Variants in CDHR3 observed in about 807,000 individuals in gnomAD.
CDHR3 encodes the protein cadherin related family member 3.
In CDHR3, 79 loss-of-function variants were observed where a neutral mutation model predicts 86.6. The observed-to-expected ratio is 0.91, with a 90% CI of 0.76 to 1.10. CDHR3 has a LOEUF of 1.10. Ranked by LOEUF, CDHR3 falls within the 50% of genes least tolerant of loss-of-function variation. CDHR3 has a pLI of 0.00. For missense variants in CDHR3, 1,081 were observed against 1,077.6 expected (o/e 1.00, Z -0.04); for synonymous variants, 421 against 402.4 (o/e 1.05, Z -0.55).
chr7:105,996,558 C>T (rs986230735), intron 6 of CDHR3, among the ~76,000 whole-genome samples: 28 of 152,252 alleles, frequency 1.8e-4, no homozygotes, highest in African/African-American at 6.7e-4. Context: ...GCCTCCTGTA[C>T]CCACACATTC....
intron 4 of CDHR3, among the ~76,000 whole-genome samples, chr7:105,987,881 G>T (rs935039035): frequency 5.3e-5 from 8 of 152,156 alleles, no homozygotes; most frequent in African/African-American, 1.7e-4. Flanking sequence ...GGACGAAAAG[G>T]CTGGGAACAC....
At chr7:105,995,611 G>C (rs891501776) in intron 5 of CDHR3, among the ~76,000 whole-genome samples, 4 of 152,314 alleles carry the variant, frequency 2.6e-5, no homozygotes, top group African/African-American at 9.6e-5. Flanking sequence ...AAGACTGGTA[G>C]TAAAGGATTA....
At chr7:105,970,101 G>A (rs1377302435) in intron 1 of CDHR3, among the ~76,000 whole-genome samples, 1 of 152,124 alleles carries the variant, frequency 6.6e-6, no homozygotes, top group Non-Finnish European at 1.5e-5. Context: ...GGTAGCTATT[G>A]AGTGATGGTC....
intron 8 of CDHR3, among the ~76,000 whole-genome samples, chr7:106,011,493 C>A (rs1430581956): frequency 2.0e-5 from 3 of 152,226 alleles, no homozygotes; most frequent in East Asian, 3.9e-4. Context: ...GTGAGTGAGG[C>A]CATCCTAGAC....
At chr7:106,015,319 A>G (rs1033225766) in intron 10 of CDHR3, 106 bp downstream of exon 10, 3 of 946,770 alleles carry the variant, frequency 3.2e-6, no homozygotes, top group Non-Finnish European at 3.2e-6. Flanking sequence ...TCTCACTAGT[A>G]CTGCCCTCAT....
At chr7:106,011,007 A>G (rs1179807452) in intron 8 of CDHR3, among the ~76,000 whole-genome samples, 1 of 152,202 alleles carries the variant, frequency 6.6e-6, no homozygotes, top group African/African-American at 2.4e-5. Context: ...TGGCCTCACC[A>G]CAAACACAGT....
At chr7:106,010,515 T>C (rs746789904) in intron 8 of CDHR3, among the ~76,000 whole-genome samples, 11 of 152,218 alleles carry the variant, frequency 7.2e-5, no homozygotes, top group Non-Finnish European at 1.5e-4. Flanking sequence ...AGGTGATCTT[T>C]GCCAATGAGG....
intron 18 of CDHR3, among the ~76,000 whole-genome samples, chr7:106,031,208 C>T (rs868692041): frequency 6.6e-5 from 10 of 152,188 alleles, no homozygotes; most frequent in African/African-American, 2.2e-4. Flanking sequence ...TTGCCCCCCC[C>T]AGCCCATCCA....
intron 1 of CDHR3, 72 bp from the exon 2 acceptor site, chr7:105,974,772 C>A: frequency 1.6e-6 from 2 of 1,243,380 alleles, no homozygotes; most frequent in Non-Finnish European, 2.3e-6. Context: ...AGCCACAAAC[C>A]AAGCTGTTAA....
At chr7:106,031,859 A>G (rs1378207267) in intron 18 of CDHR3, among the ~76,000 whole-genome samples, 1 of 152,028 alleles carries the variant, frequency 6.6e-6, no homozygotes, top group Non-Finnish European at 1.5e-5. Context: ...TGGCTCGGAC[A>G]CAATAAAAAT....
intron 8 of CDHR3, among the ~76,000 whole-genome samples, chr7:106,005,367 T>C (rs1023661272): frequency 6.6e-6 from 1 of 152,236 alleles, no homozygotes; most frequent in South Asian, 2.1e-4. Flanking sequence ...GAAAACAATA[T>C]TGTCTTTCTA....
chr7:105,989,491 G>A (rs1035670504), intron 4 of CDHR3, among the ~76,000 whole-genome samples: 1 of 152,092 alleles, frequency 6.6e-6, no homozygotes, highest in African/African-American at 2.4e-5. Context: ...CACCAAGGCA[G>A]ACAAAGGATT....
chr7:105,992,664 A>G (rs1372397448), intron 4 of CDHR3, among the ~76,000 whole-genome samples: 1 of 152,258 alleles, frequency 6.6e-6, no homozygotes, highest in East Asian at 1.9e-4. Flanking sequence ...TTAACTAACC[A>G]GGCTATAAAA....
At chr7:105,978,012 A>G (rs1253598746) in intron 2 of CDHR3, among the ~76,000 whole-genome samples, 2 of 152,326 alleles carry the variant, frequency 1.3e-5, no homozygotes, top group African/African-American at 2.4e-5. Context: ...TAAGAATGCT[A>G]TGAAGTGGTG....
intron 14 of CDHR3, among the ~76,000 whole-genome samples, chr7:106,023,948 C>T (rs905541666): frequency 2.6e-5 from 4 of 152,138 alleles, no homozygotes; most frequent in Admixed American, 6.5e-5. Flanking sequence ...CAGCCCACTG[C>T]TCTGGCAGTG....
intron 4 of CDHR3, among the ~76,000 whole-genome samples, chr7:105,992,625 A>C (rs1831531143): frequency 6.6e-6 from 1 of 152,230 alleles, no homozygotes. Flanking sequence ...TAGTAAAATA[A>C]ACCCCTGTGG....
chr7:106,009,150 A>G (rs1834381320), intron 8 of CDHR3, among the ~76,000 whole-genome samples: 1 of 152,200 alleles, frequency 6.6e-6, no homozygotes, highest in African/African-American at 2.4e-5. Flanking sequence ...AGCTGGACTA[A>G]CTGCATTTAT....
intron 8 of CDHR3, among the ~76,000 whole-genome samples, chr7:106,010,925 C>G (rs1011386455): frequency 2.0e-5 from 3 of 152,188 alleles, no homozygotes; most frequent in Non-Finnish European, 1.5e-5. Flanking sequence ...ATTGGGGGTC[C>G]TGGAGCCAGT....
intron 2 of CDHR3, among the ~76,000 whole-genome samples, 188 bp downstream of exon 2, chr7:105,975,234 C>T (rs1828623586): frequency 6.6e-6 from 1 of 152,160 alleles, no homozygotes; most frequent in African/African-American, 2.4e-5. Flanking sequence ...GCCTTTGGAC[C>T]TTCCCCACTC....
Sources: allele counts gnomAD v4.1 joint callset (sites outside exome capture counted in the v4.1 genomes callset), GRCh38; gene constraint gnomAD v4.1.1; transcripts MANE v1.5; gene names NCBI Gene and HGNC (gene_info 2026-07-23, HGNC 2026-07-21).